Variants in KCTD16 observed in about 807,000 individuals in gnomAD.
The protein encoded by KCTD16 is BTB/POZ domain-containing protein KCTD16.
Under a neutral mutation model 33.2 loss-of-function variants are expected in KCTD16, and 13 were observed. The ratio of observed to expected loss-of-function variants is 0.39; its 90% CI spans 0.25 to 0.62. The LOEUF is 0.62. KCTD16 is among the 20% of genes least tolerant of loss of function. The pLI is 0.50. For missense variants in KCTD16, 441 were observed against 525.1 expected, an observed-to-expected ratio of 0.84 and a Z score of 1.57; for synonymous variants, 197 against 195.3, an observed-to-expected ratio of 1.01 and a Z score of -0.07.
chr5:144,302,435 A>T (rs1056308520), intron 3 of KCTD16, among the ~76,000 whole-genome samples: 2 of 152,248 alleles, frequency 1.3e-5, no homozygotes, highest in Non-Finnish European at 2.9e-5. Context: ...GGCAGGTGGT[A>T]GAAGATGGTG....
At chr5:144,319,000 A>G (rs982187232) in intron 3 of KCTD16, among the ~76,000 whole-genome samples, 7 of 152,202 alleles carry the variant, frequency 4.6e-5, no homozygotes, top group African/African-American at 1.7e-4. Flanking sequence ...AAGATGAGGA[A>G]ATGACTAAAA....
At chr5:144,198,607 A>G (rs975338754) in intron 2 of KCTD16, among the ~76,000 whole-genome samples, 1 of 152,210 alleles carries the variant, frequency 6.6e-6, no homozygotes, top group Non-Finnish European at 1.5e-5. Context: ...AACGCCTTCT[A>G]CAAACAATCG....
At chr5:144,238,396 G>T (rs751942582) in intron 3 of KCTD16, among the ~76,000 whole-genome samples, 1 of 152,228 alleles carries the variant, frequency 6.6e-6, no homozygotes, top group Middle Eastern at 3.4e-3. Flanking sequence ...GAGAATCGAT[G>T]AGCTCATTTG....
intron 3 of KCTD16, among the ~76,000 whole-genome samples, chr5:144,450,689 C>T (rs940389344): frequency 6.6e-5 from 10 of 152,002 alleles, no homozygotes; most frequent in Non-Finnish European, 1.5e-4. Flanking sequence ...GTGAAATAAG[C>T]CACTCACAGA....
At position 144,281,138 on chromosome 5, in the gene KCTD16, C is replaced by T. The variant is rs185718360; in HGVS notation, c.832+73592C>T. Among the ~76,000 whole-genome samples, 966 of 152,320 alleles carry T rather than the reference C, an allele frequency of 6.3e-3. 7 individuals carry two copies. The highest frequency in any genetic ancestry group is 0.016 in the African/African-American group (664 of 41,570). On this transcript the variant is annotated intron_variant, in intron 3 of 3. Coordinates refer to ENST00000512467, the MANE Select transcript of KCTD16 (RefSeq NM_020768.4). ...CGGAGGTTGCAGTGAGCCCAGATCG[C>T]GCCACTGTACTCCAGCCTAGGCGAC... is the stretch of plus-strand genomic sequence containing the variant.
At chr5:144,238,019 G>A (rs1037302801) in intron 3 of KCTD16, among the ~76,000 whole-genome samples, 1 of 152,182 alleles carries the variant, frequency 6.6e-6, no homozygotes, top group Non-Finnish European at 1.5e-5. Context: ...CTAGTGACTG[G>A]CATTTTTCCC....
intron 3 of KCTD16, among the ~76,000 whole-genome samples, chr5:144,414,412 T>C (rs889397498): frequency 6.6e-6 from 1 of 152,204 alleles, no homozygotes; most frequent in Admixed American, 6.5e-5. Flanking sequence ...GTGTTTCATG[T>C]TATTTTTGCA....
At position 144,197,221 on chromosome 5, in the gene KCTD16, A is replaced by G. The variant is rs141791604; in HGVS notation, c.-326-9168A>G. On this transcript the variant is annotated intron_variant, in intron 2 of 3. Coordinates refer to ENST00000512467, the MANE Select transcript of KCTD16 (RefSeq NM_020768.4). ...TTTAAAAAATAAAAACTAGAATTTTATAGTTCTGATGTAAACTTTTATCCT... is the reference window on the plus strand; with the variant it reads ...TTTAAAAAATAAAAACTAGAATTTTGTAGTTCTGATGTAAACTTTTATCCT... 3.4e-4 allele frequency among the ~76,000 whole-genome samples: 52 copies of G among 152,340 alleles called. 1 individual carries two copies. Among genetic ancestry groups the G allele is most frequent in the African/African-American group, 1.1e-3 (47 of 41,584 alleles).
rs192241922 is a variant in KCTD16, at chr5:144,223,399, G to A, written c.832+15853G>A. Among the ~76,000 whole-genome samples the A allele has an allele frequency of 1.6e-4, 25 of 152,138 alleles. No individual in the cohort carries two copies. In the South Asian group the frequency reaches 4.8e-3, roughly 29 times the overall value. ...CAAAACACAGATATGTAGCTAATAA[G>A]CTAGTAAAGAAATAAAGAAGATAAA... On this transcript the variant is annotated intron_variant, in intron 3 of 3. Coordinates refer to ENST00000512467, the MANE Select transcript of KCTD16 (RefSeq NM_020768.4).
rs187115700 is a variant in KCTD16, at chr5:144,257,633, C to T, written c.832+50087C>T. Among the ~76,000 whole-genome samples, 530 of 152,142 alleles carry T rather than the reference C, an allele frequency of 3.5e-3. 4 individuals are homozygous for T. The highest frequency in any genetic ancestry group is 0.012 in the African/African-American group (506 of 41,516). ...CCTCCCGAGTAGCTGGGACTACAGG[C>T]GCCCACCACCACGCCTGGCTAATTT... On this transcript the variant is annotated intron_variant, in intron 3 of 3. Coordinates refer to ENST00000512467, the MANE Select transcript of KCTD16 (RefSeq NM_020768.4).
intron 3 of KCTD16, among the ~76,000 whole-genome samples, chr5:144,351,235 T>A (rs1046075500): frequency 1.3e-5 from 2 of 152,202 alleles, no homozygotes; most frequent in African/African-American, 4.8e-5. Flanking sequence ...GATCATATTG[T>A]GAAGGTGCTA....
chr5:144,407,103 C>T (rs1176880413), intron 3 of KCTD16, among the ~76,000 whole-genome samples: 1 of 151,660 alleles, frequency 6.6e-6, no homozygotes, highest in Non-Finnish European at 1.5e-5. Context: ...AAGTTCATGC[C>T]TTTGATAGGA....
intron 3 of KCTD16, among the ~76,000 whole-genome samples, chr5:144,223,945 G>GT (rs139406230): frequency 0.012 from 1,828 of 150,706 alleles, 47 homozygotes; most frequent in East Asian, 0.099. Flanking sequence ...CAGCGTAGGT[G>GT]TTTTTTTTTA....
intron 3 of KCTD16, among the ~76,000 whole-genome samples, chr5:144,332,645 A>G (rs1752387763): frequency 6.6e-6 from 1 of 152,210 alleles, no homozygotes; most frequent in African/African-American, 2.4e-5. Context: ...TAGTTCAGTA[A>G]GAAATTGAAG....
At chr5:144,199,279 C>A (rs184082998) in intron 2 of KCTD16, among the ~76,000 whole-genome samples, 1 of 152,246 alleles carries the variant, frequency 6.6e-6, no homozygotes, top group Admixed American at 6.5e-5. Flanking sequence ...TACTGGCTTG[C>A]AGTTTACACT....
chr5:144,336,154 T>A (rs1752486674), intron 3 of KCTD16, among the ~76,000 whole-genome samples: 1 of 152,208 alleles, frequency 6.6e-6, no homozygotes. Flanking sequence ...AAAGCAGAGC[T>A]GCTACAAAAT....
At chr5:144,466,572 C>T (rs557061986) in intron 3 of KCTD16, among the ~76,000 whole-genome samples, 3 of 152,188 alleles carry the variant, frequency 2.0e-5, no homozygotes, top group African/African-American at 7.2e-5. Context: ...AGTATTTAAA[C>T]TCTTTCACTC....
At chr5:144,397,439 A>C (rs1260326117) in intron 3 of KCTD16, among the ~76,000 whole-genome samples, 1 of 152,176 alleles carries the variant, frequency 6.6e-6, no homozygotes, top group Non-Finnish European at 1.5e-5. Context: ...GTATATACCC[A>C]GTAATGGGAT....
rs577359669 is a variant in KCTD16 at position 144,190,433 on chromosome 5, C to T, written c.-326-15956C>T. Among the ~76,000 whole-genome samples the T allele has an allele frequency of 1.2e-4, 18 of 152,236 alleles. No homozygotes were observed. In the South Asian group the frequency reaches 3.7e-3, roughly 32 times the overall value. On this transcript the variant is annotated intron_variant, in intron 2 of 3. Transcript: ENST00000512467. ...TACGATGCCTCACTTTCCTTTGTGC[C>T]TATAAGTGTCACACTAACAAAGCTT...
Sources: allele counts gnomAD v4.1 joint callset (sites outside exome capture counted in the v4.1 genomes callset), GRCh38; gene constraint gnomAD v4.1.1; transcripts MANE v1.5; gene names NCBI Gene and HGNC (gene_info 2026-07-23, HGNC 2026-07-21).